Variants in PTN observed in about 807,000 individuals in gnomAD.
The protein encoded by PTN is heparin affin regulatory protein.
A neutral mutation model predicts 24.1 loss-of-function variants in PTN; 18 were observed. That is an observed-to-expected ratio of 0.75 (90% CI 0.52 to 1.11). The LOEUF is 1.11. Among genes scored for constraint, PTN ranks in the 50% least tolerant of loss-of-function variants. The pLI is 0.00. For missense variants in PTN, 163 were observed against 198.8 expected, an observed-to-expected ratio of 0.82 and a Z score of 1.08; for synonymous variants, 78 against 68.6, an observed-to-expected ratio of 1.14 and a Z score of -0.67.
intron 1 of PTN, among the ~76,000 whole-genome samples, chr7:137,268,313 C>G (rs1809199411): frequency 6.6e-6 from 1 of 152,090 alleles, no homozygotes; most frequent in African/African-American, 2.4e-5. Flanking sequence ...CCTGGACCGT[C>G]CATTACTCAC....
Position 137,272,513 on chromosome 7 carries a change from C to T in PTN, c.-1-17539G>A, listed in dbSNP as rs114338608. ...AGCACATTGTGCCACATCCATTCCACGGACCCTCCTCATTCACAACCCTGA... is the reference window on the plus strand; with the variant it reads ...AGCACATTGTGCCACATCCATTCCATGGACCCTCCTCATTCACAACCCTGA... On this transcript the variant is annotated intron_variant, in intron 1 of 4. Transcript: ENST00000348225. Among the ~76,000 whole-genome samples, 187 of 152,260 alleles carry T rather than the reference C, an allele frequency of 1.2e-3. 1 individual carries two copies. The highest frequency in any genetic ancestry group is 3.9e-3 in the African/African-American group (161 of 41,554).
intron 1 of PTN, among the ~76,000 whole-genome samples, chr7:137,337,446 T>A (rs1200838641): frequency 3.3e-5 from 5 of 152,110 alleles, no homozygotes; most frequent in African/African-American, 1.2e-4. Context: ...TCTACCTGAG[T>A]AGAGTTACAA....
chr7:137,251,461 C>T, intron 3 of PTN, 70 bp from the exon 4 acceptor site: 2 of 1,514,138 alleles, frequency 1.3e-6, no homozygotes, highest in South Asian at 2.4e-5. Context: ...AATAAAGGCA[C>T]ACTTTTGTTT....
chr7:137,310,201 T>C (rs1809956461), intron 1 of PTN, among the ~76,000 whole-genome samples: 1 of 152,146 alleles, frequency 6.6e-6, no homozygotes. Flanking sequence ...AGGGATAGTT[T>C]TTCTCAGTAG....
chr7:137,239,706 C>T (rs1477856188), intron 4 of PTN, among the ~76,000 whole-genome samples: 1 of 152,068 alleles, frequency 6.6e-6, no homozygotes, highest in Non-Finnish European at 1.5e-5. Flanking sequence ...CAATTTCATC[C>T]ATGTCCCTAC....
chr7:137,292,451 T>C (rs975611632), intron 1 of PTN, among the ~76,000 whole-genome samples: 1 of 152,134 alleles, frequency 6.6e-6, no homozygotes, highest in Non-Finnish European at 1.5e-5. Flanking sequence ...CTGATAGTTT[T>C]ATAAAGGAGA....
intron 1 of PTN, among the ~76,000 whole-genome samples, chr7:137,281,465 G>T (rs1413771177): frequency 1.3e-5 from 2 of 152,282 alleles, no homozygotes; most frequent in Admixed American, 6.5e-5. Context: ...ACCCCTTGCT[G>T]TGCAAGGCTA....
At chr7:137,261,165 A>T (rs1809031491) in intron 1 of PTN, among the ~76,000 whole-genome samples, 1 of 151,992 alleles carries the variant, frequency 6.6e-6, no homozygotes, top group African/African-American at 2.4e-5. Context: ...ATCTTTATTG[A>T]AGCTCTAATT....
chr7:137,332,826 GT>G (rs1211596269), intron 1 of PTN, among the ~76,000 whole-genome samples: 1 of 152,114 alleles, frequency 6.6e-6, no homozygotes, highest in Non-Finnish European at 1.5e-5. Flanking sequence ...GCCACCATAT[GT>G]TAAAACCTCA....
chr7:137,343,560 C>T lies in PTN; in HGVS notation c.-123G>A, dbSNP rs775174915. ...CCTGCTTGGGCCGCTGCTGCTCTCC[C>T]CGCCTTCTGGACGGATGACTCACTG... On this transcript the variant is annotated 5_prime_UTR_variant, in exon 1 of 5. Coordinates refer to ENST00000348225, the MANE Select transcript of PTN (RefSeq NM_002825.7). The T allele has an allele frequency of 3.9e-6, 2 of 518,878 alleles. No homozygotes were observed. Among genetic ancestry groups the T allele is most frequent in the Non-Finnish European group, 7.7e-6 (2 of 259,880 alleles). The allele number at this position is 518,878 out of a possible 1,614,324, so 32.1% of individuals were successfully genotyped here.
At chr7:137,236,352 G>T in intron 4 of PTN, 1 of 686,148 alleles carries the variant, frequency 1.5e-6, no homozygotes, top group South Asian at 1.5e-5. Flanking sequence ...AGCCACACAT[G>T]AGCGTGTTGG....
At chr7:137,268,383 C>G (rs1165811026) in intron 1 of PTN, among the ~76,000 whole-genome samples, 1 of 152,020 alleles carries the variant, frequency 6.6e-6, no homozygotes, top group Non-Finnish European at 1.5e-5. Context: ...CAGGAGACAC[C>G]GAGATAGTGA....
At chr7:137,250,322 C>G (rs764844889) in intron 4 of PTN, among the ~76,000 whole-genome samples, 15 of 152,182 alleles carry the variant, frequency 9.9e-5, no homozygotes, top group Non-Finnish European at 1.6e-4. Flanking sequence ...AAGGTTCTCC[C>G]TATGGCTTGT....
intron 1 of PTN, among the ~76,000 whole-genome samples, chr7:137,259,705 C>T (rs1302088431): frequency 3.3e-5 from 5 of 151,420 alleles, no homozygotes; most frequent in Admixed American, 3.3e-4. Flanking sequence ...GAGAGAGAGA[C>T]ATGATTTAAT....
chr7:137,278,349 TC>T (rs1441105364), intron 1 of PTN, among the ~76,000 whole-genome samples: 67 of 122,278 alleles, frequency 5.5e-4, no homozygotes, highest in African/African-American at 2.1e-3. Flanking sequence ...TGACTACTAA[TC>T]AAAAAGCCAG....
chr7:137,336,692 T>C (rs1455909292), intron 1 of PTN, among the ~76,000 whole-genome samples: 1 of 152,188 alleles, frequency 6.6e-6, no homozygotes, highest in Non-Finnish European at 1.5e-5. Flanking sequence ...TTTGCTTGTA[T>C]GTTTGTTGCA....
At chr7:137,338,377 TTA>T (rs1451404823) in intron 1 of PTN, among the ~76,000 whole-genome samples, 1 of 152,226 alleles carries the variant, frequency 6.6e-6, no homozygotes, top group African/African-American at 2.4e-5. Flanking sequence ...TTCTGCTACG[TTA>T]TGTGGCAAAT....
chr7:137,336,315 G>A (rs1022793155), intron 1 of PTN, among the ~76,000 whole-genome samples: 3 of 152,134 alleles, frequency 2.0e-5, no homozygotes, highest in Non-Finnish European at 4.4e-5. Flanking sequence ...CAGGCGGACT[G>A]TGGTGAGATG....
intron 1 of PTN, among the ~76,000 whole-genome samples, chr7:137,316,969 G>C (rs1460805692): frequency 6.6e-6 from 1 of 152,136 alleles, no homozygotes; most frequent in Non-Finnish European, 1.5e-5. Context: ...TAACTGCTTT[G>C]TCTGTCCCCA....
Sources: gnomAD v4.1 joint callset for allele counts (sites outside exome capture counted in the v4.1 genomes callset) on GRCh38, gnomAD v4.1.1 for gene constraint, MANE v1.5 for transcripts, NCBI Gene and HGNC (gene_info 2026-07-23, HGNC 2026-07-21) for gene names.